Variants in PCSK5 observed in about 807,000 individuals in gnomAD.
PCSK5 encodes prohormone convertase 5.
PCSK5 carries 129 observed loss-of-function variants against 233.2 expected under a neutral mutation model. The ratio of observed to expected loss-of-function variants is 0.55; its 90% CI spans 0.48 to 0.64. PCSK5 has a LOEUF of 0.64. Among genes scored for constraint, PCSK5 ranks in the 30% least tolerant of loss-of-function variants. PCSK5 has a pLI of 0.00. For missense variants in PCSK5, 2,076 were observed against 2,430.1 expected, an observed-to-expected ratio of 0.85 and a Z score of 3.06; for synonymous variants, 825 against 879.2, an observed-to-expected ratio of 0.94 and a Z score of 1.09.
intron 3 of PCSK5, among the ~76,000 whole-genome samples, chr9:76,003,136 A>G (rs913176852): frequency 3.9e-5 from 6 of 152,336 alleles, no homozygotes; most frequent in South Asian, 2.1e-4. Context: ...CTACGAGGCT[A>G]TGGAAAGAGG....
At chr9:76,136,484 G>A (rs959212834) in intron 10 of PCSK5, among the ~76,000 whole-genome samples, 2 of 152,016 alleles carry the variant, frequency 1.3e-5, no homozygotes, top group East Asian at 1.9e-4. Flanking sequence ...GAGGTCAGCC[G>A]GCTTTTGCAG....
rs1435875924 is a variant in PCSK5, at chr9:76,097,409, G to A, written c.1107+1307G>A. On this transcript the variant is annotated intron_variant, in intron 8 of 37. Transcript: ENST00000674117. Reference sequence around the variant, plus strand: ...CGAGTAGCTGGGACTACAGGCGCCCGCCACCGCGCCCGGCTAATTTTTTTT... The same window carrying A: ...CGAGTAGCTGGGACTACAGGCGCCCACCACCGCGCCCGGCTAATTTTTTTT... Among the ~76,000 whole-genome samples, 13 of 144,254 alleles carry A rather than the reference G, an allele frequency of 9.0e-5. No individual in the cohort carries two copies. The South Asian group carries it at 9.6e-4, about 11-fold the overall frequency. 94.6% of individuals were successfully genotyped at this position (144,254 alleles called of 152,430 possible). A position where few individuals can be genotyped will look rare whatever the true frequency, so the allele number is the denominator to read the frequency against.
intron 1 of PCSK5, among the ~76,000 whole-genome samples, chr9:75,905,629 A>T (rs1193199190): frequency 1.3e-5 from 2 of 152,288 alleles, no homozygotes; most frequent in Middle Eastern, 3.4e-3. Context: ...ATGGACTGAT[A>T]CGGTCCGTGG....
chr9:75,904,811 G>T (rs1826190453), intron 1 of PCSK5, among the ~76,000 whole-genome samples: 1 of 152,166 alleles, frequency 6.6e-6, no homozygotes. Context: ...ATACCCAACA[G>T]AAATGAAAAC....
intron 21 of PCSK5, among the ~76,000 whole-genome samples, chr9:76,229,444 G>A (rs149170894): frequency 0.024 from 3,671 of 152,338 alleles, 76 homozygotes; most frequent in Middle Eastern, 0.034. Context: ...GCAAAGCTCT[G>A]TGATGCCAGG....
At chr9:76,323,350 G>A in intron 32 of PCSK5, 62 bp downstream of exon 32, 1 of 936,870 alleles carries the variant, frequency 1.1e-6, no homozygotes. Context: ...CCCAGCCCCA[G>A]CGCCAGAGCT....
At chr9:75,934,064 CT>C (rs1823937095) in intron 2 of PCSK5, among the ~76,000 whole-genome samples, 2 of 152,206 alleles carry the variant, frequency 1.3e-5, no homozygotes, top group South Asian at 2.1e-4. Flanking sequence ...GTGTTTATTT[CT>C]TCTTATCTCA....
At chr9:76,232,114 C>G (rs984431870) in intron 21 of PCSK5, among the ~76,000 whole-genome samples, 18 of 152,278 alleles carry the variant, frequency 1.2e-4, no homozygotes, top group Non-Finnish European at 1.8e-4. Flanking sequence ...GGCCCACCCC[C>G]CAGTTCAGGG....
intron 20 of PCSK5, among the ~76,000 whole-genome samples, chr9:76,202,246 C>T (rs1028391435): frequency 1.2e-4 from 18 of 152,190 alleles, no homozygotes; most frequent in African/African-American, 3.9e-4. Context: ...TTCTTCATCT[C>T]TTCTGCCCCT....
intron 30 of PCSK5, among the ~76,000 whole-genome samples, chr9:76,318,696 T>G (rs1217372573): frequency 6.6e-6 from 1 of 152,214 alleles, no homozygotes; most frequent in Non-Finnish European, 1.5e-5. Context: ...TTTAGTGCTG[T>G]GTGCAAATGT....
intron 2 of PCSK5, among the ~76,000 whole-genome samples, chr9:75,947,601 C>A (rs1490042064): frequency 6.6e-6 from 1 of 152,066 alleles, no homozygotes; most frequent in Admixed American, 6.6e-5. Context: ...AACTCAAAGG[C>A]AGGTTTTGCT....
At chr9:76,308,466 A>C (rs900298126) in intron 28 of PCSK5, among the ~76,000 whole-genome samples, 179 bp from the exon 29 acceptor site, 3 of 152,352 alleles carry the variant, frequency 2.0e-5, no homozygotes, top group African/African-American at 7.2e-5. Flanking sequence ...AGAAAAAAAA[A>C]TAAATGAAGT....
intron 24 of PCSK5, among the ~76,000 whole-genome samples, chr9:76,242,467 A>C (rs2131332370): frequency 6.6e-6 from 1 of 152,330 alleles, no homozygotes; most frequent in South Asian, 2.1e-4. Context: ...AATAAAGTTA[A>C]TAAACACTTA....
intron 21 of PCSK5, among the ~76,000 whole-genome samples, chr9:76,228,334 T>G (rs770617672): frequency 6.6e-5 from 10 of 152,250 alleles, no homozygotes; most frequent in Non-Finnish European, 1.5e-4. Context: ...GTAAAAATAA[T>G]CTCTTCCCAG....
At chr9:76,315,642 C>CTTT (rs34118608) in intron 30 of PCSK5, among the ~76,000 whole-genome samples, 22 of 114,580 alleles carry the variant, frequency 1.9e-4, no homozygotes, top group African/African-American at 3.4e-4. Context: ...GAGAAGACTA[C>CTTT]TTTTTTTTTT....
chr9:75,996,754 ATG>A (rs1045142844), intron 3 of PCSK5, among the ~76,000 whole-genome samples: 5 of 151,260 alleles, frequency 3.3e-5, no homozygotes, highest in African/African-American at 1.2e-4. Flanking sequence ...AGAGTAAAAA[ATG>A]TGTGAGTAGT....
chr9:76,263,627 G>T (rs1827248340), intron 24 of PCSK5, among the ~76,000 whole-genome samples: 1 of 151,768 alleles, frequency 6.6e-6, no homozygotes, highest in Admixed American at 6.6e-5. Flanking sequence ...GGGGACTGTT[G>T]TGGGGTGGGG....
chr9:76,245,773 A>G (rs981561728), intron 24 of PCSK5, among the ~76,000 whole-genome samples: 15 of 152,264 alleles, frequency 9.9e-5, no homozygotes, highest in African/African-American at 3.6e-4. Flanking sequence ...GAAGTGGGAG[A>G]GTGGGTGTCT....
intron 3 of PCSK5, among the ~76,000 whole-genome samples, chr9:76,020,699 T>A (rs1313837612): frequency 1.3e-5 from 2 of 152,230 alleles, no homozygotes; most frequent in African/African-American, 4.8e-5. Flanking sequence ...AGGAACCTAG[T>A]TGCTTCACTT....
Sources: allele counts gnomAD v4.1 joint callset (sites outside exome capture counted in the v4.1 genomes callset), GRCh38; gene constraint gnomAD v4.1.1; transcripts MANE v1.5; gene names NCBI Gene and HGNC (gene_info 2026-07-23, HGNC 2026-07-21).